CENPC: variants seen among roughly 807,000 people sequenced by gnomAD.
The protein encoded by CENPC is CENP-C 1.
CENPC carries 63 observed loss-of-function variants against 112.1 expected under a neutral mutation model. That is an observed-to-expected ratio of 0.56 (90% confidence interval 0.46 to 0.69). CENPC has a LOEUF of 0.69. Among genes scored for constraint, CENPC ranks in the 30% least tolerant of loss-of-function variants. CENPC has a pLI of 0.00. For missense variants in CENPC, 1,000 were observed against 1,103.8 expected, an observed-to-expected ratio of 0.91 and a Z score of 1.33; for synonymous variants, 333 against 367.6, an observed-to-expected ratio of 0.91 and a Z score of 1.08.
chr4:67,491,509 A>G (rs963548648), intron 16 of CENPC, among the ~76,000 whole-genome samples: 17 of 137,996 alleles, frequency 1.2e-4, no homozygotes, highest in South Asian at 2.5e-4. Context: ...AGAGAGAGAG[A>G]GAGAGAGAGA....
chr4:67,544,982 A>G (rs1726987407), intron 1 of CENPC, among the ~76,000 whole-genome samples: 1 of 152,052 alleles, frequency 6.6e-6, no homozygotes, highest in Non-Finnish European at 1.5e-5. Flanking sequence ...GAGCTAGACT[A>G]AAAAGCAGAA....
Position 67,519,488 on chromosome 4 carries a change from C to T in CENPC, c.346G>A (p.Val116Ile), listed in dbSNP as rs1314797583. ...ATNRSVQAHE[V>I]HQKILATDVS... ...TCAGTTGCCAGAATTTTCTGATGAA[C>T]TTCATGGGCCTGAACTAGAAGAAAA... The change falls in exon 6 of 19, where the codon GTT becomes ATT. Residue 116 changes from valine to isoleucine, a missense_variant. Transcript: ENST00000273853. The T allele has an allele frequency of 1.3e-6, 2 of 1,576,954 alleles. No individual in the cohort carries two copies. The highest frequency in any genetic ancestry group is 1.7e-6 in the Non-Finnish European group (2 of 1,158,006).
chr4:67,531,604 C>T (rs1307122856), intron 4 of CENPC, among the ~76,000 whole-genome samples: 1 of 152,128 alleles, frequency 6.6e-6, no homozygotes, highest in Non-Finnish European at 1.5e-5. Context: ...TTTTGGTAGG[C>T]AGGGGATGCC....
chr4:67,503,373 C>T (rs1725645013), intron 12 of CENPC, among the ~76,000 whole-genome samples: 1 of 152,156 alleles, frequency 6.6e-6, no homozygotes, highest in Non-Finnish European at 1.5e-5. Context: ...CAAATGATCA[C>T]TTCCTTAGTG....
At position 67,471,596 on chromosome 4, in the gene CENPC, T is replaced by A. The variant is rs1424137789; in HGVS notation, c.*1009A>T. ...AATCACAATAGAAAATTATAAAGTA[T>A]AAAAAAAGAGCCATCACACTTCATT... is the stretch of plus-strand genomic sequence containing the variant. On this transcript the variant is annotated 3_prime_UTR_variant, in exon 19 of 19. Transcript: ENST00000273853. 1.3e-5 allele frequency: 2 copies of A among 151,820 alleles called. No individual in the cohort carries two copies. The highest frequency in any genetic ancestry group is 2.9e-5 in the Non-Finnish European group (2 of 67,962). The allele number at this position is 151,820 out of a possible 1,614,324, so 9.4% of individuals were successfully genotyped here. A position where few individuals can be genotyped will look rare whatever the true frequency, so the allele number is the denominator to read the frequency against.
intron 16 of CENPC, 38 bp downstream of exon 16, chr4:67,492,142 G>A (rs1439540700): frequency 2.3e-6 from 3 of 1,304,300 alleles, no homozygotes; most frequent in Middle Eastern, 2.5e-4. Context: ...CTTACAAATT[G>A]TTTAATTAAG....
chr4:67,502,347 A>G (rs760901758), intron 12 of CENPC, among the ~76,000 whole-genome samples: 21 of 152,202 alleles, frequency 1.4e-4, no homozygotes, highest in Non-Finnish European at 1.3e-4. Flanking sequence ...ATTCAATCAT[A>G]TGCTGTTTCT....
chr4:67,507,918 T>A (rs958605353), intron 10 of CENPC, among the ~76,000 whole-genome samples: 2 of 152,082 alleles, frequency 1.3e-5, no homozygotes, highest in Non-Finnish European at 2.9e-5. Flanking sequence ...GGGATTTCTT[T>A]ATGCACTATA....
intron 17 of CENPC, among the ~76,000 whole-genome samples, chr4:67,488,041 GAAGA>G (rs1725138675): frequency 6.6e-6 from 1 of 151,274 alleles, no homozygotes; most frequent in African/African-American, 2.4e-5. Context: ...GTAATATATA[GAAGA>G]AATAAAATCA....
chr4:67,526,057 C>T (rs1726366911), intron 5 of CENPC, among the ~76,000 whole-genome samples: 1 of 151,994 alleles, frequency 6.6e-6, no homozygotes, highest in Non-Finnish European at 1.5e-5. Flanking sequence ...TCAACCTCAA[C>T]AAACTAAAAC....
At chr4:67,480,243 T>C (rs1724916091) in intron 17 of CENPC, among the ~76,000 whole-genome samples, 1 of 151,998 alleles carries the variant, frequency 6.6e-6, no homozygotes, top group Non-Finnish European at 1.5e-5. Flanking sequence ...CACTTGAACC[T>C]GGGAGATGGA....
In CENPC at chr4:67,471,050, C is replaced by T. The variant is rs1724647663; in HGVS notation, c.*1555G>A. The stretch of plus-strand genomic sequence containing the variant: ...AAACCAAGGGGAATTTGGGAACTGC[C>T]TCCTACAATGAATGCATCCCCCATC... On this transcript the variant is annotated 3_prime_UTR_variant, in exon 19 of 19. Transcript: ENST00000273853. The T allele has an allele frequency of 6.6e-6, 1 of 152,212 alleles. No homozygotes were observed. The highest frequency in any genetic ancestry group is 2.4e-5 in the African/African-American group (1 of 41,430). 9.4% of individuals were successfully genotyped at this position (152,212 alleles called of 1,614,324 possible).
In CENPC at chr4:67,474,713, C is replaced by A. The variant is rs555915232; in HGVS notation, c.2761+175G>T. ...ACTCTGTCTCAAAAACAAAAAAAAA[C>A]CACCACAAAATGCTAATACACTTAC... On this transcript the variant is annotated intron_variant, in intron 18 of 18. Coordinates refer to ENST00000273853, the MANE Select transcript of CENPC (RefSeq NM_001812.4). 4.4e-4 allele frequency: 247 copies of A among 566,396 alleles called. 1 individual carries two copies. The highest frequency in any genetic ancestry group is 9.9e-4 in the Middle Eastern group (2 of 2,022). 35.1% of individuals were successfully genotyped at this position (566,396 alleles called of 1,614,324 possible).
In CENPC at chr4:67,472,039, G is replaced by C. The variant is rs903283786; in HGVS notation, c.*566C>G. 3.3e-5 allele frequency: 5 copies of C among 152,170 alleles called. No homozygotes were observed. Among genetic ancestry groups the C allele is most frequent in the African/African-American group, 1.2e-4 (5 of 41,430 alleles). The allele number at this position is 152,170 out of a possible 1,614,324, so 9.4% of individuals were successfully genotyped here. A position where few individuals can be genotyped will look rare whatever the true frequency, so the allele number is the denominator to read the frequency against. On this transcript the variant is annotated 3_prime_UTR_variant, in exon 19 of 19. Coordinates refer to ENST00000273853, the MANE Select transcript of CENPC (RefSeq NM_001812.4). ...GCCAGAAATTGCCAGTAAACCACCA[G>C]AAGTTAGGAATAAGGAAGGATTCTC...
Position 67,469,737 on chromosome 4 carries a change from T to C in CENPC, c.*2868A>G, listed in dbSNP as rs569212269. On this transcript the variant is annotated 3_prime_UTR_variant, in exon 19 of 19. Transcript: ENST00000273853. ...CTTTAAAGACATGAAATTAACTCCA[T>C]AGTCACCCAGTTTTATGCCTGGGGG... is the stretch of plus-strand genomic sequence containing the variant. The C allele has an allele frequency of 4.6e-5, 7 of 152,316 alleles. No homozygotes were observed. The highest frequency in any genetic ancestry group is 1.0e-4 in the Non-Finnish European group (7 of 68,034). The allele number at this position is 152,316 out of a possible 1,614,324, so 9.4% of individuals were successfully genotyped here.
intron 17 of CENPC, among the ~76,000 whole-genome samples, chr4:67,489,517 T>C (rs1279601909): frequency 6.6e-6 from 1 of 152,076 alleles, no homozygotes; most frequent in African/African-American, 2.4e-5. Context: ...ATAAAAATTT[T>C]ACATGGTACA....
chr4:67,493,286 G>A (rs1001437697), intron 14 of CENPC: 13 of 192,776 alleles, frequency 6.7e-5, no homozygotes, highest in South Asian at 6.5e-4. Flanking sequence ...AAAAGGAGGG[G>A]GCTAGCAATG....
chr4:67,472,485 A>AC lies in CENPC; in HGVS notation c.*119dup. 3 of 1,219,562 alleles carry AC rather than the reference A, an allele frequency of 2.5e-6. No individual in the cohort carries two copies. Among genetic ancestry groups the AC allele is most frequent in the Non-Finnish European group, 3.1e-6 (3 of 955,250 alleles). 75.5% of individuals were successfully genotyped at this position (1,219,562 alleles called of 1,614,324 possible). ...TTTATCAAATACAAGTCTACAGAAA[A>AC]CTGAATAAAATTTTTATTTTAAAAC... On this transcript the variant is annotated 3_prime_UTR_variant, in exon 19 of 19. Coordinates refer to ENST00000273853, the MANE Select transcript of CENPC (RefSeq NM_001812.4).
At chr4:67,533,471 A>G (rs1416414899) in intron 4 of CENPC, among the ~76,000 whole-genome samples, 1 of 152,254 alleles carries the variant, frequency 6.6e-6, no homozygotes, top group African/African-American at 2.4e-5. Context: ...ATTCAATGCC[A>G]TAAAAAGACA....
Sources: gnomAD v4.1 joint callset for allele counts (sites outside exome capture counted in the v4.1 genomes callset) on GRCh38, gnomAD v4.1.1 for gene constraint, MANE v1.5 for transcripts, NCBI Gene and HGNC (gene_info 2026-07-23, HGNC 2026-07-21) for gene names.